Variants in CECR2 observed in about 807,000 individuals in gnomAD.
The protein encoded by CECR2 is chromatin remodeling regulator CECR2.
CECR2 carries 30 observed loss-of-function variants against 154.5 expected under a neutral mutation model. The observed-to-expected ratio is 0.19, with a 90% CI of 0.15 to 0.26. The LOEUF is 0.26. CECR2 is among the 10% of genes least tolerant of loss of function. The pLI is 1.00. For missense variants in CECR2, 1,743 were observed against 1,829.3 expected (o/e 0.95, Z 0.86); for synonymous variants, 725 against 683.7 (o/e 1.06, Z -0.94).
intron 1 of CECR2, among the ~76,000 whole-genome samples, chr22:17,434,925 C>CA (rs971938937): frequency 1.3e-5 from 2 of 152,098 alleles, no homozygotes; most frequent in Non-Finnish European, 2.9e-5. Flanking sequence ...AAGGAACACA[C>CA]ATGGGGTATT....
intron 1 of CECR2, among the ~76,000 whole-genome samples, chr22:17,423,662 C>G (rs2054290342): frequency 6.6e-6 from 1 of 152,114 alleles, no homozygotes; most frequent in Non-Finnish European, 1.5e-5. Context: ...AGAATTGCCC[C>G]CTATACACCA....
chr22:17,454,295 TCA>T (rs2054819097), intron 1 of CECR2, among the ~76,000 whole-genome samples: 1 of 151,742 alleles, frequency 6.6e-6, no homozygotes, highest in South Asian at 2.1e-4. Context: ...TGAGACCCTG[TCA>T]CAAAAACCTG....
At chr22:17,372,255 C>T (rs1337103453) in intron 1 of CECR2, among the ~76,000 whole-genome samples, 2 of 152,180 alleles carry the variant, frequency 1.3e-5, no homozygotes, top group African/African-American at 4.8e-5. Flanking sequence ...TTTGTCTAAT[C>T]CATCTCAGGT....
rs931723382 is a variant in CECR2, at chr22:17,541,787, A to G, written c.1885-52A>G. 9.0e-6 allele frequency: 14 copies of G among 1,557,384 alleles called. No homozygotes were observed. The African/African-American group carries it at 1.6e-4, about 18-fold the overall frequency. On this transcript the variant is annotated intron_variant, in intron 14 of 18. Coordinates refer to ENST00000262608, the MANE Select transcript of CECR2 (RefSeq NM_001290047.2). ...TCAGGAAAACCCTTGTTGTCAACCTAAAGTCTGTGCCTTTCCTTTTTCCTC... is the reference window on the plus strand; with the variant it reads ...TCAGGAAAACCCTTGTTGTCAACCTGAAGTCTGTGCCTTTCCTTTTTCCTC...
At chr22:17,424,025 A>G (rs779232342) in intron 1 of CECR2, among the ~76,000 whole-genome samples, 3 of 152,172 alleles carry the variant, frequency 2.0e-5, no homozygotes, top group East Asian at 3.8e-4. Context: ...TGCATCTTCT[A>G]TTCAGAGCCT....
intron 9 of CECR2, among the ~76,000 whole-genome samples, chr22:17,531,122 G>T (rs1471745389): frequency 6.6e-6 from 1 of 152,200 alleles, no homozygotes; most frequent in East Asian, 1.9e-4. Flanking sequence ...TTGGGGTCCA[G>T]CCTTGAAAAC....
At chr22:17,506,704 A>T (rs1364032129) in intron 7 of CECR2, among the ~76,000 whole-genome samples, 4 of 152,072 alleles carry the variant, frequency 2.6e-5, no homozygotes, top group Non-Finnish European at 5.9e-5. Context: ...CTCAGGGTGG[A>T]GTGCAGTGGC....
chr22:17,553,026 C>T lies in CECR2; in HGVS notation c.*186C>T. 7.4e-7 allele frequency: 1 copy of T among 1,342,922 alleles called. No homozygotes were observed. Among genetic ancestry groups the T allele is most frequent in the Non-Finnish European group, 9.6e-7 (1 of 1,038,674 alleles). 83.2% of individuals were successfully genotyped at this position (1,342,922 alleles called of 1,614,324 possible). ...AAAAGGACACTCCTTAGATGACTGA[C>T]ACACAGATTGCAAAGGTCCTCGGCC... On this transcript the variant is annotated 3_prime_UTR_variant, in exon 19 of 19. Transcript: ENST00000262608.
At chr22:17,398,434 T>C (rs2053845902) in intron 1 of CECR2, among the ~76,000 whole-genome samples, 1 of 152,198 alleles carries the variant, frequency 6.6e-6, no homozygotes, top group African/African-American at 2.4e-5. Flanking sequence ...GTGAAACATT[T>C]AATTTGAGTT....
At chr22:17,365,012 G>T (rs374763183), upstream of CECR2, among the ~76,000 whole-genome samples, 1 of 152,072 alleles carries the variant, frequency 6.6e-6, no homozygotes, top group Non-Finnish European at 1.5e-5. Context: ...ATCACCTGAG[G>T]TCGGGAGTTT....
chr22:17,436,680 C>G (rs1208863342), intron 1 of CECR2, among the ~76,000 whole-genome samples: 1 of 152,198 alleles, frequency 6.6e-6, no homozygotes, highest in Admixed American at 6.5e-5. Flanking sequence ...GGAAGTCCTG[C>G]GGGACCAGTA....
intron 1 of CECR2, among the ~76,000 whole-genome samples, chr22:17,388,266 T>C (rs897354081): frequency 6.6e-6 from 1 of 152,248 alleles, no homozygotes; most frequent in African/African-American, 2.4e-5. Flanking sequence ...GTTTTCTTCA[T>C]AGTTACTTTT....
rs1252263695 is a variant in CECR2 at position 17,524,291 on chromosome 22, G to A, written c.1108+20G>A. Reference sequence around the variant, plus strand: ...TGGAAGGTATGTGCAGTGTCCGCGTGGTCTGGAGAGGTGCATGTCTGTCGA... The same window carrying A: ...TGGAAGGTATGTGCAGTGTCCGCGTAGTCTGGAGAGGTGCATGTCTGTCGA... On this transcript the variant is annotated intron_variant, in intron 9 of 18. Transcript: ENST00000262608. The A allele has an allele frequency of 6.2e-7, 1 of 1,601,742 alleles. No homozygotes were observed. The highest frequency in any genetic ancestry group is 8.5e-7 in the Non-Finnish European group (1 of 1,174,978).
At chr22:17,534,622 C>T (rs2056409192) in intron 9 of CECR2, 1 of 151,728 alleles carries the variant, frequency 6.6e-6, no homozygotes, top group African/African-American at 2.4e-5. Flanking sequence ...ATTCTCTTGC[C>T]TCAGCCTCCC....
intron 1 of CECR2, among the ~76,000 whole-genome samples, chr22:17,439,025 A>G (rs2054546935): frequency 1.3e-5 from 2 of 152,032 alleles, no homozygotes; most frequent in Admixed American, 1.3e-4. Flanking sequence ...ATTTTTTTTA[A>G]AGTATGTATA....
At chr22:17,518,636 A>C (rs2056102611) in intron 8 of CECR2, 1 of 441,280 alleles carries the variant, frequency 2.3e-6, no homozygotes, top group Admixed American at 2.5e-5. Flanking sequence ...TTGGCACTCC[A>C]TGCACACAGA....
intron 1 of CECR2, among the ~76,000 whole-genome samples, chr22:17,415,573 G>A (rs1186437431): frequency 6.6e-6 from 1 of 152,110 alleles, no homozygotes; most frequent in African/African-American, 2.4e-5. Context: ...TTAAATTACT[G>A]TGCCTTCTAC....
intron 2 of CECR2, among the ~76,000 whole-genome samples, chr22:17,491,858 T>C (rs562829290): frequency 6.6e-6 from 1 of 152,340 alleles, no homozygotes; most frequent in Admixed American, 6.5e-5. Context: ...TAGGCAAAGA[T>C]GTTTTGCAGA....
intron 3 of CECR2, 123 bp downstream of exon 3, chr22:17,497,709 A>G: frequency 1.2e-6 from 1 of 863,228 alleles, no homozygotes; most frequent in Non-Finnish European, 1.8e-6. Flanking sequence ...TCTTGGTACT[A>G]TTCATTGCCA....
Sources: allele counts gnomAD v4.1 joint callset (sites outside exome capture counted in the v4.1 genomes callset), GRCh38; gene constraint gnomAD v4.1.1; transcripts MANE v1.5; gene names NCBI Gene and HGNC (gene_info 2026-07-23, HGNC 2026-07-21).